Variants in TBC1D5 observed in about 807,000 individuals in gnomAD.
The protein encoded by TBC1D5 is TBC1 domain family, member 5.
Under a neutral mutation model 100.3 loss-of-function variants are expected in TBC1D5, and 75 were observed. The observed-to-expected ratio is 0.75, with a 90% confidence interval of 0.62 to 0.91. The LOEUF (loss-of-function observed/expected upper bound fraction) is 0.91. Ranked by LOEUF, TBC1D5 falls within the 40% of genes least tolerant of loss-of-function variation. The pLI is 0.00. For synonymous variants in TBC1D5, 323 were observed against 325.6 expected, an observed-to-expected ratio of 0.99 and a Z score of 0.09; for missense variants, 910 against 942.4, an observed-to-expected ratio of 0.97 and a Z score of 0.45.
At chr3:17,741,619 A>G (rs1285510893), upstream of TBC1D5, among the ~76,000 whole-genome samples, 1 of 152,102 alleles carries the variant, frequency 6.6e-6, no homozygotes, top group Non-Finnish European at 1.5e-5. Context: ...CCAGAAAGTT[A>G]TTATTCGAAA....
intron 17 of TBC1D5, among the ~76,000 whole-genome samples, chr3:17,222,801 C>T (rs1176422762): frequency 1.3e-5 from 2 of 151,474 alleles, no homozygotes; most frequent in Admixed American, 1.3e-4. Context: ...CTCTTTATTA[C>T]TCCTGTGATA....
intron 1 of TBC1D5, among the ~76,000 whole-genome samples, chr3:17,700,435 C>T (rs1434443842): frequency 6.6e-6 from 1 of 151,966 alleles, no homozygotes; most frequent in Admixed American, 6.6e-5. Context: ...ACTTCATGTC[C>T]AAAACACCAA....
intron 4 of TBC1D5, among the ~76,000 whole-genome samples, chr3:17,417,216 G>A (rs1480862890): frequency 6.6e-6 from 1 of 151,824 alleles, no homozygotes; most frequent in Admixed American, 6.6e-5. Flanking sequence ...TATACTTTAA[G>A]TTTTAGGGTT....
At chr3:17,644,268 TGA>T (rs2064806396) in intron 1 of TBC1D5, 9 of 152,166 alleles carry the variant, frequency 5.9e-5, no homozygotes, top group Admixed American at 2.0e-4. Context: ...CTGTGTTTGT[TGA>T]TTAAATACTT....
At chr3:17,547,391 T>C (rs2153438039) in intron 2 of TBC1D5, among the ~76,000 whole-genome samples, 1 of 152,286 alleles carries the variant, frequency 6.6e-6, no homozygotes, top group South Asian at 2.1e-4. Flanking sequence ...CCTCCTACTG[T>C]TACCATACCT....
chr3:17,193,212 T>C (rs904723726), intron 18 of TBC1D5, among the ~76,000 whole-genome samples: 6 of 152,230 alleles, frequency 3.9e-5, no homozygotes, highest in Non-Finnish European at 5.9e-5. Flanking sequence ...CTGGCTCTAA[T>C]AGATAGTGAT....
chr3:17,259,544 TA>T (rs2078066557), intron 15 of TBC1D5, among the ~76,000 whole-genome samples: 1 of 152,196 alleles, frequency 6.6e-6, no homozygotes. Context: ...CCTGGGCAGA[TA>T]ATTCAAGTTA....
chr3:17,372,299 A>G (rs2092506188), intron 12 of TBC1D5, 52 bp from the exon 13 acceptor site: 1 of 1,451,760 alleles, frequency 6.9e-7, no homozygotes, highest in African/African-American at 1.4e-5. Flanking sequence ...ATTAATAAAT[A>G]TATGGATGTC....
intron 2 of TBC1D5, among the ~76,000 whole-genome samples, chr3:17,536,431 T>C (rs149669224): frequency 6.6e-6 from 1 of 152,348 alleles, no homozygotes; most frequent in East Asian, 1.9e-4. Context: ...GTGTACAATT[T>C]AATGTTACCA....
chr3:17,172,020 G>A (rs535307346), intron 19 of TBC1D5, among the ~76,000 whole-genome samples: 54 of 152,260 alleles, frequency 3.5e-4, no homozygotes, highest in Middle Eastern at 3.4e-3. Flanking sequence ...CAATTCTTTC[G>A]TCTTAATTTA....
chr3:17,648,225 T>C (rs1422782122), intron 1 of TBC1D5, among the ~76,000 whole-genome samples: 1 of 149,658 alleles, frequency 6.7e-6, no homozygotes, highest in Non-Finnish European at 1.5e-5. Context: ...AAACAAGCAA[T>C]GGGTAAAAGA....
intron 2 of TBC1D5, chr3:17,562,039 G>A (rs1447307321): frequency 1.3e-5 from 2 of 152,132 alleles, no homozygotes; most frequent in Non-Finnish European, 2.9e-5. Flanking sequence ...AGCTACTTGG[G>A]AGGCCTAGAA....
At chr3:17,330,074 C>G (rs7630286) in intron 13 of TBC1D5, among the ~76,000 whole-genome samples, 3 of 151,900 alleles carry the variant, frequency 2.0e-5, no homozygotes, top group East Asian at 1.9e-4. Context: ...CCTCACAGTT[C>G]TCAGCCACCT....
chr3:17,571,028 C>T (rs1434571808), intron 2 of TBC1D5, among the ~76,000 whole-genome samples: 2 of 151,756 alleles, frequency 1.3e-5, no homozygotes, highest in African/African-American at 4.8e-5. Flanking sequence ...CAGGAGAGGG[C>T]AACATGCTTG....
chr3:17,581,083 G>C (rs2096692088), intron 2 of TBC1D5, among the ~76,000 whole-genome samples: 1 of 152,108 alleles, frequency 6.6e-6, no homozygotes, highest in Non-Finnish European at 1.5e-5. Context: ...TTTTCCCCAT[G>C]CTGTTCTCGT....
rs371972103 is a variant in TBC1D5 at position 17,729,127 on chromosome 3, T to C, written c.-101+10216A>G. ...AATCTATCAATTTTTGCCAACAGAC[T>C]AACCAAAAACAATGATTTACAACAC... On this transcript the variant is annotated intron_variant, in intron 1 of 21. Transcript: ENST00000253692. Among the ~76,000 whole-genome samples the C allele has an allele frequency of 1.8e-4, 26 of 148,186 alleles. No homozygotes were observed. The East Asian group carries it at 4.2e-3, about 24-fold the overall frequency.
At chr3:17,168,107 T>C (rs551892427) in intron 19 of TBC1D5, among the ~76,000 whole-genome samples, 16 of 152,310 alleles carry the variant, frequency 1.1e-4, no homozygotes, top group Admixed American at 8.5e-4. Flanking sequence ...TGGGTACCTC[T>C]TGCTGACATG....
intron 15 of TBC1D5, among the ~76,000 whole-genome samples, chr3:17,274,375 A>G (rs2079756416): frequency 6.6e-6 from 1 of 152,254 alleles, no homozygotes; most frequent in Admixed American, 6.5e-5. Context: ...TGGAACTCAA[A>G]TACAAGAAAG....
chr3:17,687,367 A>G (rs925313222), intron 1 of TBC1D5, among the ~76,000 whole-genome samples: 2 of 152,150 alleles, frequency 1.3e-5, no homozygotes, highest in Non-Finnish European at 2.9e-5. Context: ...GGAATGACAA[A>G]AATGTATGTT....
Sources: allele counts gnomAD v4.1 joint callset (sites outside exome capture counted in the v4.1 genomes callset), GRCh38; gene constraint gnomAD v4.1.1; transcripts MANE v1.5; gene names NCBI Gene and HGNC (gene_info 2026-07-23, HGNC 2026-07-21).